The following CSMD1 variants were observed in gnomAD, a reference collection of about 807,000 sequenced individuals.
CSMD1 encodes the protein CUB and sushi domain-containing protein 1.
In CSMD1, 213 loss-of-function variants were observed where a neutral mutation model predicts 417.5. The observed-to-expected ratio is 0.51, with a 90% CI of 0.46 to 0.57. The LOEUF is 0.57. CSMD1 is among the 20% of genes least tolerant of loss of function. CSMD1 has a pLI of 0.00. For missense variants in CSMD1, 6,923 were observed against 4,529.7 expected (o/e 1.53, Z -15.17); for synonymous variants, 2,862 against 1,736.8 (o/e 1.65, Z -16.11).
intron 10 of CSMD1, among the ~76,000 whole-genome samples, chr8:3,521,843 T>C (rs1478487125): frequency 6.6e-6 from 1 of 152,218 alleles, no homozygotes; most frequent in Non-Finnish European, 1.5e-5. Flanking sequence ...ATGTATATTA[T>C]CATACTATCT....
At chr8:2,964,234 C>T (rs682812) in intron 59 of CSMD1, among the ~76,000 whole-genome samples, 150,229 of 152,354 alleles carry the variant, frequency 0.99, 74,077 homozygotes, top group East Asian at 1. Flanking sequence ...TGCCTTCTCA[C>T]GTGAGAAAGA....
chr8:3,759,618 G>T (rs901324317), intron 5 of CSMD1, among the ~76,000 whole-genome samples: 1 of 151,934 alleles, frequency 6.6e-6, no homozygotes, highest in African/African-American at 2.4e-5. Flanking sequence ...AGGGTGCCAG[G>T]CACAGTGGCT....
chr8:3,799,874 A>G (rs1049393842), intron 5 of CSMD1, among the ~76,000 whole-genome samples: 5 of 152,180 alleles, frequency 3.3e-5, no homozygotes, highest in African/African-American at 1.2e-4. Context: ...AATTTAAGCT[A>G]CATTGCTGAC....
chr8:4,834,834 G>A (rs1472510866), intron 1 of CSMD1, among the ~76,000 whole-genome samples: 3 of 150,856 alleles, frequency 2.0e-5, no homozygotes, highest in Non-Finnish European at 3.0e-5. Context: ...GTGGGCGCCT[G>A]TAATCCCAGC....
intron 5 of CSMD1, among the ~76,000 whole-genome samples, chr8:3,923,813 G>T (rs1285422168): frequency 6.6e-6 from 1 of 152,016 alleles, no homozygotes; most frequent in East Asian, 1.9e-4. Flanking sequence ...TCTACTCCCT[G>T]CGTCTGAGTT....
intron 2 of CSMD1, among the ~76,000 whole-genome samples, chr8:4,507,310 G>A (rs748786366): frequency 6.6e-6 from 1 of 152,124 alleles, no homozygotes; most frequent in Non-Finnish European, 1.5e-5. Flanking sequence ...CACTTACCTT[G>A]TAAAAGAATA....
chr8:2,949,197 G>C (rs1802453173), intron 68 of CSMD1, 102 bp downstream of exon 68: 1 of 649,006 alleles, frequency 1.5e-6, no homozygotes, highest in Non-Finnish European at 2.7e-6. Flanking sequence ...CATTATTTTT[G>C]TTTAGGTTTC....
intron 6 of CSMD1, among the ~76,000 whole-genome samples, chr8:3,712,785 G>T (rs1801601852): frequency 6.6e-6 from 1 of 152,130 alleles, no homozygotes; most frequent in South Asian, 2.1e-4. Context: ...TGTTGGGTAA[G>T]GTGATTCCTT....
intron 41 of CSMD1, among the ~76,000 whole-genome samples, chr8:3,130,177 A>T (rs1361033973): frequency 3.3e-5 from 5 of 152,180 alleles, no homozygotes; most frequent in Admixed American, 3.3e-4. Context: ...GGAAATTACC[A>T]TGTAATGAGC....
chr8:4,836,402 G>C (rs1223863756), intron 1 of CSMD1, among the ~76,000 whole-genome samples: 2 of 152,114 alleles, frequency 1.3e-5, no homozygotes, highest in African/African-American at 4.8e-5. Flanking sequence ...GCCTCAGCTG[G>C]GATTGTTATC....
At chr8:3,083,632 ATATATATATATATATATT>A (rs1814282394) in intron 49 of CSMD1, among the ~76,000 whole-genome samples, 2 of 28,052 alleles carry the variant, frequency 7.1e-5, no homozygotes, top group East Asian at 1.6e-3. Flanking sequence ...ATATATATAT[ATATATATATATATATATT>A]TTTTTTTTTT....
At chr8:4,253,519 A>T (rs1803230528) in intron 3 of CSMD1, among the ~76,000 whole-genome samples, 1 of 152,204 alleles carries the variant, frequency 6.6e-6, no homozygotes, top group Non-Finnish European at 1.5e-5. Flanking sequence ...CCTGGGATAG[A>T]GAAAGAAGAA....
chr8:4,584,432 G>A (rs780858484), intron 2 of CSMD1, among the ~76,000 whole-genome samples: 1 of 152,066 alleles, frequency 6.6e-6, no homozygotes, highest in Admixed American at 6.6e-5. Context: ...CCGGGCACCT[G>A]TCGGCCAGTT....
intron 3 of CSMD1, among the ~76,000 whole-genome samples, chr8:4,289,787 G>A (rs932052363): frequency 6.6e-6 from 1 of 152,300 alleles, no homozygotes; most frequent in Non-Finnish European, 1.5e-5. Flanking sequence ...TAGTTAAAAG[G>A]AGGTATCCAC....
At chr8:4,890,552 G>A (rs149468535) in intron 1 of CSMD1, among the ~76,000 whole-genome samples, 1 of 150,940 alleles carries the variant, frequency 6.6e-6, no homozygotes, top group African/African-American at 2.4e-5. Context: ...TCTCCTTCAG[G>A]TCCTCACAGT....
chr8:4,404,231 T>C (rs946749097), intron 3 of CSMD1, among the ~76,000 whole-genome samples: 4 of 152,162 alleles, frequency 2.6e-5, no homozygotes, highest in Admixed American at 2.6e-4. Flanking sequence ...CTATTTTATA[T>C]TATCTGTCAC....
chr8:3,281,244 A>C (rs142690273), intron 26 of CSMD1, among the ~76,000 whole-genome samples: 2,370 of 152,258 alleles, frequency 0.016, 26 homozygotes, highest in Non-Finnish European at 0.02. Context: ...GGAGTTTGAC[A>C]CTAGCCTGGA....
intron 33 of CSMD1, among the ~76,000 whole-genome samples, chr8:3,197,474 T>A (rs2116705357): frequency 6.7e-6 from 1 of 150,364 alleles, no homozygotes. Context: ...TTTTTTTTTT[T>A]TTTTTTTTTG....
intron 1 of CSMD1, among the ~76,000 whole-genome samples, chr8:4,869,288 G>T (rs891543767): frequency 6.6e-6 from 1 of 151,928 alleles, no homozygotes; most frequent in African/African-American, 2.4e-5. Context: ...ATTCCATCCT[G>T]TTTTATCATT....
Sources: gnomAD v4.1 joint callset for allele counts (sites outside exome capture counted in the v4.1 genomes callset) on GRCh38, gnomAD v4.1.1 for gene constraint, MANE v1.5 for transcripts, NCBI Gene and HGNC (gene_info 2026-07-23, HGNC 2026-07-21) for gene names.